COL14A1: variants seen among roughly 807,000 people sequenced by gnomAD.
The protein encoded by COL14A1 is collagen alpha-1(XIV) chain.
A neutral mutation model predicts 230.3 loss-of-function variants in COL14A1; 136 were observed. The observed-to-expected ratio is 0.59, with a 90% CI of 0.51 to 0.68. The LOEUF is 0.68. Among genes scored for constraint, COL14A1 ranks in the 30% least tolerant of loss-of-function variants. The pLI is 0.00. For synonymous variants in COL14A1, 792 were observed against 784.1 expected (o/e 1.01, Z -0.17); for missense variants, 1,976 against 2,215.8 (o/e 0.89, Z 2.17).
intron 5 of COL14A1, among the ~76,000 whole-genome samples, chr8:120,174,104 C>T (rs914668085): frequency 3.9e-5 from 6 of 152,200 alleles, no homozygotes; most frequent in Admixed American, 6.5e-5. Context: ...AGAAGTATCA[C>T]ATCTGCTATT....
intron 34 of COL14A1, among the ~76,000 whole-genome samples, chr8:120,291,894 G>A (rs897077809): frequency 2.0e-5 from 3 of 151,914 alleles, no homozygotes; most frequent in Non-Finnish European, 4.4e-5. Flanking sequence ...TAGAAACCGC[G>A]TCATTGTCTT....
intron 36 of COL14A1, among the ~76,000 whole-genome samples, chr8:120,302,417 A>G (rs912632038): frequency 6.6e-6 from 1 of 152,174 alleles, no homozygotes; most frequent in African/African-American, 2.4e-5. Flanking sequence ...TAGTCTTTGT[A>G]TATGGTGTAA....
Position 120,209,857 on chromosome 8 carries a change from C to A in COL14A1, c.1423C>A (p.Leu475Ile), listed in dbSNP as rs563906832. The change falls in exon 12 of 48, where the codon CTT becomes ATT. Residue 475 changes from leucine (L) to isoleucine (I), a missense_variant. Coordinates refer to ENST00000297848, the MANE Select transcript of COL14A1 (RefSeq NM_021110.4). ...AVPGASGYLI[L>I]YAPLTEGLAG... ...GCCTGGGGCCTCAGGTTACCTGATC[C>A]TTTATGCTCCTCTAACAGAGGGCCT... The A allele has an allele frequency of 2.5e-6, 4 of 1,613,452 alleles. No individual in the cohort carries two copies. Among genetic ancestry groups the A allele is most frequent in the Non-Finnish European group, 2.5e-6 (3 of 1,179,782 alleles).
At chr8:120,156,821 C>G (rs73704290) in intron 2 of COL14A1, among the ~76,000 whole-genome samples, 1,694 of 152,218 alleles carry the variant, frequency 0.011, 28 homozygotes, top group African/African-American at 0.037. Context: ...GAAACAATAA[C>G]CTGCTCAAGG....
intron 35 of COL14A1, among the ~76,000 whole-genome samples, chr8:120,299,765 C>T (rs1017943993): frequency 6.6e-6 from 1 of 152,106 alleles, no homozygotes; most frequent in Non-Finnish European, 1.5e-5. Context: ...AAAGTATATA[C>T]ACCATGTAAC....
At chr8:120,332,904 AT>A (rs1446995426) in intron 42 of COL14A1, among the ~76,000 whole-genome samples, 169 bp downstream of exon 42, 3 of 152,240 alleles carry the variant, frequency 2.0e-5, no homozygotes, top group African/African-American at 7.2e-5. Flanking sequence ...TGAAGATCAG[AT>A]TATGCATATG....
chr8:120,135,897 C>G (rs1814694785), intron 1 of COL14A1, among the ~76,000 whole-genome samples: 1 of 151,520 alleles, frequency 6.6e-6, no homozygotes, highest in Admixed American at 6.6e-5. Flanking sequence ...AAATTTTTTT[C>G]TTTTTATTTA....
At chr8:120,286,224 G>A (rs984966389) in intron 33 of COL14A1, among the ~76,000 whole-genome samples, 8 of 151,948 alleles carry the variant, frequency 5.3e-5, no homozygotes, top group Non-Finnish European at 1.0e-4. Context: ...GAGGAAAAAT[G>A]TAGTTAAGGA....
rs765399026 is a variant in COL14A1 at position 120,342,383 on chromosome 8, G to T, written c.4825G>T (p.Asp1609Tyr). Reference protein sequence around the residue: ...GAKGERGERGDLQSQAMVRSV... With the variant: ...GAKGERGERGYLQSQAMVRSV... ...GTATGCTTTTTTTCTCATCCAGGGTGACCTGCAGTCTCAAGCCATGGTGAG... is the reference window on the plus strand; with the variant it reads ...GTATGCTTTTTTTCTCATCCAGGGTTACCTGCAGTCTCAAGCCATGGTGAG... Residue 1609 changes from aspartate to tyrosine, a missense_variant, in exon 44 of 48, where the codon GAC becomes TAC. Coordinates refer to ENST00000297848, the MANE Select transcript of COL14A1 (RefSeq NM_021110.4). 1.9e-6 allele frequency: 3 copies of T among 1,613,774 alleles called. No homozygotes were observed. The South Asian group carries it at 3.3e-5, about 18-fold the overall frequency.
chr8:120,362,640 C>T (rs537040695), intron 45 of COL14A1, among the ~76,000 whole-genome samples: 1 of 152,282 alleles, frequency 6.6e-6, no homozygotes, highest in South Asian at 2.1e-4. Context: ...ATGAATATGA[C>T]AAATGTACCA....
At chr8:120,332,589 T>A (rs1044881081) in intron 41 of COL14A1, 75 bp from the exon 42 acceptor site, 1 of 1,250,752 alleles carries the variant, frequency 8.0e-7, no homozygotes, top group Non-Finnish European at 1.2e-6. Flanking sequence ...TTTGTTACTC[T>A]TGCTTAAAAG....
intron 3 of COL14A1, among the ~76,000 whole-genome samples, chr8:120,161,217 A>G (rs1459974650): frequency 1.3e-5 from 2 of 152,232 alleles, no homozygotes; most frequent in Non-Finnish European, 2.9e-5. Context: ...TATTAATTTT[A>G]TTGGCATATG....
rs1181975783 is a variant in COL14A1, at chr8:120,199,549, T to C, written c.860T>C (p.Val287Ala). ...PPSRNLRESG[V>A]ELFAIGVKNA... ...TCTAGAAATCTTCGTGAGTCTGGTG[T>C]AGAACTGTTTGCCATAGGTATGTGC... The change falls in exon 8 of 48, where the codon GTA (valine) becomes GCA (alanine). Residue 287 changes from valine (V) to alanine (A), a missense_variant. Coordinates refer to ENST00000297848, the MANE Select transcript of COL14A1 (RefSeq NM_021110.4). The C allele has an allele frequency of 6.2e-7, 1 of 1,612,290 alleles. No homozygotes were observed. Among genetic ancestry groups the C allele is most frequent in the Non-Finnish European group, 8.5e-7 (1 of 1,179,312 alleles).
chr8:120,152,216 C>A (rs900264408), intron 2 of COL14A1, among the ~76,000 whole-genome samples: 1 of 151,966 alleles, frequency 6.6e-6, no homozygotes, highest in Non-Finnish European at 1.5e-5. Flanking sequence ...AATCCCAGCA[C>A]TTTGGGAGGC....
At chr8:120,130,598 T>G (rs1258637814) in intron 1 of COL14A1, among the ~76,000 whole-genome samples, 2 of 152,150 alleles carry the variant, frequency 1.3e-5, no homozygotes, top group East Asian at 3.8e-4. Flanking sequence ...AAAGCCTACG[T>G]GTACAAGGAA....
intron 36 of COL14A1, among the ~76,000 whole-genome samples, chr8:120,308,885 T>C (rs1465728907): frequency 1.3e-5 from 2 of 152,226 alleles, no homozygotes; most frequent in African/African-American, 2.4e-5. Context: ...CTCATCTCCC[T>C]TTTTATCGAA....
intron 5 of COL14A1, among the ~76,000 whole-genome samples, chr8:120,185,529 A>G (rs994736935): frequency 2.0e-5 from 3 of 152,006 alleles, no homozygotes; most frequent in African/African-American, 7.2e-5. Flanking sequence ...TTAACTGGGC[A>G]TGTGATGTGT....
chr8:120,349,026 G>A (rs768908471), intron 45 of COL14A1, among the ~76,000 whole-genome samples: 61 of 152,230 alleles, frequency 4.0e-4, no homozygotes, highest in African/African-American at 8.7e-4. Flanking sequence ...CTCCCAGCAC[G>A]CAGCTGGAGA....
At chr8:120,342,863 T>C (rs1822355928) in intron 44 of COL14A1, among the ~76,000 whole-genome samples, 1 of 152,242 alleles carries the variant, frequency 6.6e-6, no homozygotes, top group African/African-American at 2.4e-5. Context: ...ACTTGCAAGA[T>C]TTAAATGAAT....
Sources: allele counts gnomAD v4.1 joint callset (sites outside exome capture counted in the v4.1 genomes callset), GRCh38; gene constraint gnomAD v4.1.1; transcripts MANE v1.5; gene names NCBI Gene and HGNC (gene_info 2026-07-23, HGNC 2026-07-21).